Variants in CD109 observed in about 807,000 individuals in gnomAD.
The protein encoded by CD109 is CD109 molecule.
In CD109, 149 loss-of-function variants were observed where a neutral mutation model predicts 165.8. That is an observed-to-expected ratio of 0.90 (90% CI 0.79 to 1.03). The LOEUF (loss-of-function observed/expected upper bound fraction) is 1.03. Ranked by LOEUF, CD109 falls within the 50% of genes least tolerant of loss-of-function variation. The pLI is 0.00. For missense variants in CD109, 1,712 were observed against 1,677.8 expected, an observed-to-expected ratio of 1.02 and a Z score of -0.36; for synonymous variants, 585 against 592.1, an observed-to-expected ratio of 0.99 and a Z score of 0.18.
intron 2 of CD109, among the ~76,000 whole-genome samples, chr6:73,714,864 A>T (rs1407650740): frequency 1.3e-5 from 2 of 152,236 alleles, no homozygotes; most frequent in Non-Finnish European, 2.9e-5. Flanking sequence ...TGAGATTTTG[A>T]ACATCCATGA....
At chr6:73,807,353 A>G (rs982028436) in intron 25 of CD109, among the ~76,000 whole-genome samples, 1 of 152,252 alleles carries the variant, frequency 6.6e-6, no homozygotes, top group African/African-American at 2.4e-5. Context: ...ATGTTTTATC[A>G]TTGAAAAAGT....
chr6:73,805,391 A>G (rs1301559798), intron 24 of CD109, among the ~76,000 whole-genome samples: 1 of 152,234 alleles, frequency 6.6e-6, no homozygotes, highest in Non-Finnish European at 1.5e-5. Context: ...TGCTGCCCGC[A>G]TGTCCCACCT....
At chr6:73,775,566 C>T (rs1473928699) in intron 15 of CD109, among the ~76,000 whole-genome samples, 1 of 152,144 alleles carries the variant, frequency 6.6e-6, no homozygotes, top group African/African-American at 2.4e-5. Flanking sequence ...AGGTTTGTTA[C>T]ATAGGCAACC....
chr6:73,807,434 T>G (rs924496600), intron 25 of CD109, among the ~76,000 whole-genome samples: 1 of 152,202 alleles, frequency 6.6e-6, no homozygotes, highest in African/African-American at 2.4e-5. Flanking sequence ...TTGCAAAGGA[T>G]TTTTTACTTA....
chr6:73,761,391 C>G (rs536070804), intron 7 of CD109, among the ~76,000 whole-genome samples: 4 of 152,286 alleles, frequency 2.6e-5, no homozygotes, highest in African/African-American at 4.8e-5. Flanking sequence ...CAATTATGAT[C>G]AGGTATTTTC....
intron 14 of CD109, among the ~76,000 whole-genome samples, chr6:73,769,768 A>G (rs530561277): frequency 6.6e-6 from 1 of 152,346 alleles, no homozygotes; most frequent in African/African-American, 2.4e-5. Context: ...TACAGAGTAT[A>G]GAGTGAGAAG....
intron 2 of CD109, among the ~76,000 whole-genome samples, chr6:73,710,908 G>A (rs1201823612): frequency 6.6e-6 from 1 of 152,220 alleles, no homozygotes; most frequent in Non-Finnish European, 1.5e-5. Flanking sequence ...AAACAAAAGA[G>A]CATGGTTGTG....
chr6:73,756,178 C>T (rs1773383543), intron 5 of CD109, among the ~76,000 whole-genome samples: 1 of 152,166 alleles, frequency 6.6e-6, no homozygotes. Flanking sequence ...GAAGATTTTG[C>T]ATCCTTAATT....
At chr6:73,809,231 AT>A (rs1404454143) in intron 26 of CD109, among the ~76,000 whole-genome samples, 2 of 151,734 alleles carry the variant, frequency 1.3e-5, no homozygotes, top group Non-Finnish European at 2.9e-5. Flanking sequence ...GGGGATCCTA[AT>A]TTTTTTTCCT....
chr6:73,787,588 C>G (rs1351507518), intron 21 of CD109, 136 bp downstream of exon 21: 1 of 613,424 alleles, frequency 1.6e-6, no homozygotes. Flanking sequence ...TGCCTAATCA[C>G]TTTCTAATCT....
chr6:73,823,440 G>GTC lies in CD109; in HGVS notation c.4163-16_4163-15dup, dbSNP rs760609053. On this transcript the variant is annotated splice_polypyrimidine_tract_variant and intron_variant, in intron 32 of 32. Coordinates refer to ENST00000287097, the MANE Select transcript of CD109 (RefSeq NM_133493.5). ...AAACAAGGGAGCCGTGTGAACTGAT[G>GTC]TCTGCTTCTTTGAACAGGGAGACAG... The GTC allele has an allele frequency of 6.3e-7, 1 of 1,590,976 alleles. No individual in the cohort carries two copies. Among genetic ancestry groups the GTC allele is most frequent in the South Asian group, 1.1e-5 (1 of 89,326 alleles).
chr6:73,817,578 A>G (rs1775983402), intron 30 of CD109, among the ~76,000 whole-genome samples: 1 of 152,222 alleles, frequency 6.6e-6, no homozygotes, highest in South Asian at 2.1e-4. Context: ...TAAAAGGACA[A>G]CAGGTACTAA....
intron 2 of CD109, among the ~76,000 whole-genome samples, chr6:73,698,499 T>C (rs186801382): frequency 6.4e-4 from 97 of 152,252 alleles, no homozygotes; most frequent in Non-Finnish European, 1.2e-3. Flanking sequence ...CATACATTTT[T>C]ATAATGTTAA....
the CD109 span, among the ~76,000 whole-genome samples, chr6:73,687,390 C>G: frequency 4.6e-5 from 7 of 150,792 alleles, no homozygotes; most frequent in African/African-American, 1.7e-4. Flanking sequence ...TCTTTCTCCT[C>G]TCTCTCCTTC....
intron 7 of CD109, among the ~76,000 whole-genome samples, chr6:73,759,811 A>AGTGAATTT (rs1320436911): frequency 5.3e-5 from 8 of 152,000 alleles, no homozygotes; most frequent in Admixed American, 2.0e-4. Context: ...CTCTTGAATG[A>AGTGAATTT]GTGAATTTGA....
At chr6:73,746,071 A>T (rs1173937864) in intron 5 of CD109, among the ~76,000 whole-genome samples, 3 of 152,256 alleles carry the variant, frequency 2.0e-5, no homozygotes, top group Admixed American at 2.0e-4. Context: ...CTTTAGGTAG[A>T]TTCACAGAAA....
intron 22 of CD109, among the ~76,000 whole-genome samples, chr6:73,789,249 G>A (rs1016271546): frequency 3.9e-5 from 6 of 152,102 alleles, no homozygotes; most frequent in East Asian, 1.9e-4. Context: ...CACTGACTTC[G>A]GTCGCCTCTC....
Position 73,736,636 on chromosome 6 carries a change from C to T in CD109, c.633+128C>T, listed in dbSNP as rs188308318. On this transcript the variant is annotated intron_variant, in intron 5 of 32. Coordinates refer to ENST00000287097, the MANE Select transcript of CD109 (RefSeq NM_133493.5). Reference sequence around the variant, plus strand: ...AATGTGAACATTTAGACAATTTAAACGGTTTATTTTTAATTTATGATGTTT... The same window carrying T: ...AATGTGAACATTTAGACAATTTAAATGGTTTATTTTTAATTTATGATGTTT... 178 of 749,418 alleles carry T rather than the reference C, an allele frequency of 2.4e-4. 2 individuals are homozygous for T. Among genetic ancestry groups the T allele is most frequent in the African/African-American group, 1.4e-3 (79 of 55,294 alleles). The allele number at this position is 749,418 out of a possible 1,614,324, so 46.4% of individuals were successfully genotyped here.
upstream of CD109, chr6:73,696,084 G>T: frequency 1.2e-6 from 1 of 818,980 alleles, no homozygotes; most frequent in Admixed American, 2.1e-5. Context: ...TCTGCTGTTA[G>T]GCGCGCCCAT....
Sources: gnomAD v4.1 joint callset for allele counts (sites outside exome capture counted in the v4.1 genomes callset) on GRCh38, gnomAD v4.1.1 for gene constraint, MANE v1.5 for transcripts, NCBI Gene and HGNC (gene_info 2026-07-23, HGNC 2026-07-21) for gene names.